ZDHHC3: variants seen among roughly 807,000 people sequenced by gnomAD.
The protein encoded by ZDHHC3 is zDHHC palmitoyltransferase 3.
In ZDHHC3, 9 loss-of-function variants were observed where a neutral mutation model predicts 30.6. The observed-to-expected ratio is 0.29, with a 90% CI of 0.18 to 0.51. The LOEUF is 0.51. Ranked by LOEUF, ZDHHC3 falls within the 20% of genes least tolerant of loss-of-function variation. The pLI is 0.97. For missense variants in ZDHHC3, 246 were observed against 384.2 expected, an observed-to-expected ratio of 0.64 and a Z score of 3.01; for synonymous variants, 136 against 140.2, an observed-to-expected ratio of 0.97 and a Z score of 0.21.
chr3:44,919,366 A>C lies in ZDHHC3; in HGVS notation c.*7323T>G, dbSNP rs1289084996. On this transcript the variant is annotated 3_prime_UTR_variant, in exon 7 of 7. Transcript: ENST00000424952. ...ATCATGAGAAAAACATCAAAAACAC[A>C]ATCTGAAGGACAGCCTACAGAATAC... 1 of 153,440 alleles carries C rather than the reference A, an allele frequency of 6.5e-6. No homozygotes were observed. Among genetic ancestry groups the C allele is most frequent in the Non-Finnish European group, 1.4e-5 (1 of 69,218 alleles). 9.5% of individuals were successfully genotyped at this position (153,440 alleles called of 1,614,324 possible).
chr3:44,931,188 T>C (rs917165096), intron 5 of ZDHHC3, among the ~76,000 whole-genome samples: 1 of 152,224 alleles, frequency 6.6e-6, no homozygotes, highest in Non-Finnish European at 1.5e-5. Context: ...TTTTCCTTTC[T>C]GTACAGGGGA....
At position 44,963,500 on chromosome 3, in the gene ZDHHC3, C is replaced by CAA. The variant is rs11446885; in HGVS notation, c.-24-4042_-24-4041dup. Among the ~76,000 whole-genome samples the CAA allele has an allele frequency of 9.5e-3, 1,385 of 146,172 alleles. 18 individuals carry two copies. Among genetic ancestry groups the CAA allele is most frequent in the East Asian group, 0.036 (181 of 5,074 alleles). ...CCAACTGAAAATCTGAGAAATATGGCAAAAAAAAAAAACCCACCACGAAAC... is the reference window on the plus strand; with the variant it reads ...CCAACTGAAAATCTGAGAAATATGGCAAAAAAAAAAAAAACCCACCACGAAAC... On this transcript the variant is annotated intron_variant, in intron 1 of 6. Transcript: ENST00000424952.
At chr3:44,969,149 T>C (rs1339853902) in intron 1 of ZDHHC3, among the ~76,000 whole-genome samples, 2 of 152,220 alleles carry the variant, frequency 1.3e-5, no homozygotes, top group African/African-American at 2.4e-5. Flanking sequence ...TGTGAACCCC[T>C]TGTAATCCAG....
chr3:44,934,689 T>G (rs1210643187), intron 3 of ZDHHC3, among the ~76,000 whole-genome samples: 1 of 151,666 alleles, frequency 6.6e-6, no homozygotes, highest in Non-Finnish European at 1.5e-5. Flanking sequence ...GTCAGGAGTT[T>G]AAGACCAGCC....
intron 3 of ZDHHC3, among the ~76,000 whole-genome samples, chr3:44,944,306 C>G (rs1702715900): frequency 1.3e-5 from 2 of 152,174 alleles, no homozygotes; most frequent in South Asian, 4.1e-4. Context: ...GCCACCACGC[C>G]CGGCTAATTT....
intron 3 of ZDHHC3, among the ~76,000 whole-genome samples, chr3:44,944,690 CT>C (rs1162796346): frequency 3.3e-5 from 5 of 152,194 alleles, no homozygotes; most frequent in African/African-American, 9.6e-5. Flanking sequence ...AAATGGCTTT[CT>C]TTTTTGGTTT....
At chr3:44,967,153 T>C (rs997599377) in intron 1 of ZDHHC3, among the ~76,000 whole-genome samples, 1 of 152,232 alleles carries the variant, frequency 6.6e-6, no homozygotes, top group South Asian at 2.1e-4. Flanking sequence ...TTACAGTTCA[T>C]TGAGGAAACC....
At position 44,959,091 on chromosome 3, in the gene ZDHHC3, G is replaced by A. The variant is rs1489504910; in HGVS notation, c.306+40C>T. On this transcript the variant is annotated intron_variant, in intron 2 of 6. Coordinates refer to ENST00000424952, the MANE Select transcript of ZDHHC3 (RefSeq NM_001135179.2). This position sits in a 1 kb window ranked among gnomAD's most constrained non-coding sequence, Gnocchi z 4.3. Reference sequence around the variant, plus strand: ...TGTGGCCATGCCAGAGCCAGAGGAGGAGAGTGTGGGCTGGTCAAAACAAGC... The same window carrying A: ...TGTGGCCATGCCAGAGCCAGAGGAGAAGAGTGTGGGCTGGTCAAAACAAGC... The A allele has an allele frequency of 1.2e-6, 2 of 1,606,562 alleles. No individual in the cohort carries two copies. The highest frequency in any genetic ancestry group is 1.7e-5 in the Admixed American group (1 of 59,856).
chr3:44,958,879 A>G (rs1396748240), intron 2 of ZDHHC3, among the ~76,000 whole-genome samples: 6 of 152,204 alleles, frequency 3.9e-5, no homozygotes, highest in Non-Finnish European at 8.8e-5. Context: ...AGCAGGCCCA[A>G]TGAATGTATA....
Position 44,920,165 on chromosome 3 carries a change from A to T in ZDHHC3, c.*6524T>A, listed in dbSNP as rs1700491281. ...CAAAAATAGTTGTTTCAGAAAATGG[A>T]TCTTGTTGACACAAGTCTAAAGGGA... is the stretch of plus-strand genomic sequence containing the variant. On this transcript the variant is annotated 3_prime_UTR_variant, in exon 7 of 7. Coordinates refer to ENST00000424952, the MANE Select transcript of ZDHHC3 (RefSeq NM_001135179.2). The T allele has an allele frequency of 7.9e-7, 1 of 1,269,592 alleles. No homozygotes were observed. Among genetic ancestry groups the T allele is most frequent in the African/African-American group, 1.5e-5 (1 of 65,242 alleles). 78.6% of individuals were successfully genotyped at this position (1,269,592 alleles called of 1,614,324 possible).
At chr3:44,958,828 T>A (rs1704193876) in intron 2 of ZDHHC3, 3 of 813,410 alleles carry the variant, frequency 3.7e-6, no homozygotes, top group Non-Finnish European at 5.7e-6. Flanking sequence ...TGTGTCTTTT[T>A]AACCAGAGGC....
chr3:44,969,372 C>A (rs1004756526), intron 1 of ZDHHC3, among the ~76,000 whole-genome samples: 3 of 152,120 alleles, frequency 2.0e-5, no homozygotes, highest in Non-Finnish European at 4.4e-5. Context: ...CACATCTACT[C>A]TATTTTGCAC....
At position 44,923,064 on chromosome 3, in the gene ZDHHC3, A is replaced by G. The variant is rs1231938807; in HGVS notation, c.*3625T>C. The G allele has an allele frequency of 1.0e-6, 1 of 979,140 alleles. No individual in the cohort carries two copies. Among genetic ancestry groups the G allele is most frequent in the Non-Finnish European group, 1.2e-6 (1 of 829,114 alleles). The allele number at this position is 979,140 out of a possible 1,614,324, so 60.7% of individuals were successfully genotyped here. On this transcript the variant is annotated 3_prime_UTR_variant, in exon 7 of 7. Coordinates refer to ENST00000424952, the MANE Select transcript of ZDHHC3 (RefSeq NM_001135179.2). The stretch of plus-strand genomic sequence containing the variant: ...TTTCTGTGTAATGCCAACCTCACAT[A>G]CATGTTTAAAATGTTTGTTTTTTTT...
In ZDHHC3 at chr3:44,926,398, C is replaced by A; in HGVS notation, c.*291G>T. ...GCACAGCGCGAGACAGCGCCCTCTA[C>A]ATTAGTCATGCCAGACAGACAGCAG... On this transcript the variant is annotated 3_prime_UTR_variant, in exon 7 of 7. Coordinates refer to ENST00000424952, the MANE Select transcript of ZDHHC3 (RefSeq NM_001135179.2). 1.8e-6 allele frequency: 2 copies of A among 1,141,106 alleles called. No individual in the cohort carries two copies. Among genetic ancestry groups the A allele is most frequent in the South Asian group, 3.3e-5 (1 of 30,050 alleles). The allele number at this position is 1,141,106 out of a possible 1,614,324, so 70.7% of individuals were successfully genotyped here.
At chr3:44,956,721 C>T (rs558298723) in intron 2 of ZDHHC3, among the ~76,000 whole-genome samples, 4 of 152,214 alleles carry the variant, frequency 2.6e-5, no homozygotes, top group African/African-American at 7.2e-5. Flanking sequence ...CACTTTGGTC[C>T]GAGCCACACC....
At chr3:44,972,356 G>A (rs965696002) in intron 1 of ZDHHC3, among the ~76,000 whole-genome samples, 10 of 152,274 alleles carry the variant, frequency 6.6e-5, no homozygotes, top group African/African-American at 2.2e-4. Flanking sequence ...CCAGCTACTC[G>A]GGAGGCTGAG....
chr3:44,954,452 G>T (rs1158833727), intron 2 of ZDHHC3, among the ~76,000 whole-genome samples: 1 of 152,150 alleles, frequency 6.6e-6, no homozygotes, highest in African/African-American at 2.4e-5. Context: ...GGAACAAGAG[G>T]CTATTCAATA....
Position 44,922,819 on chromosome 3 carries a change from C to G in ZDHHC3, c.*3870G>C. On this transcript the variant is annotated 3_prime_UTR_variant, in exon 7 of 7. Transcript: ENST00000424952. ...TCAGGTGATGCTGATGTTGACGTTG[C>G]TGGTCTGGCAACCTCAAGAACACCT... 4.1e-6 allele frequency: 4 copies of G among 985,346 alleles called. No individual in the cohort carries two copies. Among genetic ancestry groups the G allele is most frequent in the Non-Finnish European group, 4.8e-6 (4 of 829,916 alleles). 61.0% of individuals were successfully genotyped at this position (985,346 alleles called of 1,614,324 possible).
chr3:44,970,553 T>C (rs1291446375), intron 1 of ZDHHC3, among the ~76,000 whole-genome samples: 2 of 152,250 alleles, frequency 1.3e-5, no homozygotes, highest in Non-Finnish European at 2.9e-5. Context: ...GAGTCCTCTG[T>C]TCTCAGGAGC....
Sources: allele counts gnomAD v4.1 joint callset (sites outside exome capture counted in the v4.1 genomes callset), GRCh38; gene constraint gnomAD v4.1.1; non-coding constraint Gnocchi (gnomAD v3.1); transcripts MANE v1.5; gene names NCBI Gene and HGNC (gene_info 2026-07-23, HGNC 2026-07-21).